Variants in NETO1 observed in about 807,000 individuals in gnomAD.
NETO1 encodes the protein neuropilin and tolloid-like protein 1.
In NETO1, 26 loss-of-function variants were observed where a neutral mutation model predicts 61.3. The observed-to-expected ratio is 0.42, with a 90% CI of 0.31 to 0.59. NETO1 has a LOEUF of 0.59. Ranked by LOEUF, NETO1 falls within the 20% of genes least tolerant of loss-of-function variation. The pLI is 0.12. For synonymous variants in NETO1, 225 were observed against 225.8 expected (o/e 1.00, Z 0.03); for missense variants, 531 against 662.8 (o/e 0.80, Z 2.18).
chr18:72,867,283 A>G lies in NETO1; in HGVS notation c.9T>C (p.His3=), dbSNP rs556077574. MI[H]GRSVLHIVAS... is the part of the protein sequence containing the mutation. ...ACTCACTGTGAAGCACGCTGCGCCC[A>G]TGGATCATGTCTGTGCGTTACACCA... Residue 3 remains histidine (H), a synonymous_variant, in exon 1 of 11, where the codon CAT becomes CAC. Coordinates refer to ENST00000327305, the MANE Select transcript of NETO1 (RefSeq NM_138966.5). The G allele has an allele frequency of 1.9e-6, 3 of 1,573,706 alleles. No homozygotes were observed. Among genetic ancestry groups the G allele is most frequent in the South Asian group, 2.4e-5 (2 of 84,508 alleles).
chr18:72,839,029 A>C (rs9319855), intron 4 of NETO1, among the ~76,000 whole-genome samples: 146,211 of 152,260 alleles, frequency 0.96, 70,292 homozygotes, highest in Non-Finnish European at 0.99. Flanking sequence ...CGTTGTTATT[A>C]TTATTTTCCT....
chr18:72,827,581 T>G (rs2073422337), intron 4 of NETO1, among the ~76,000 whole-genome samples: 1 of 151,916 alleles, frequency 6.6e-6, no homozygotes, highest in South Asian at 2.1e-4. Context: ...CTGGGCATGG[T>G]GATGTCTGCC....
chr18:72,797,322 G>A (rs558539732), intron 4 of NETO1, among the ~76,000 whole-genome samples: 79 of 152,154 alleles, frequency 5.2e-4, no homozygotes, highest in African/African-American at 1.9e-3. Flanking sequence ...ATTTATTTTT[G>A]TCTTTGTATT....
intron 4 of NETO1, among the ~76,000 whole-genome samples, chr18:72,856,106 C>G (rs2074404172): frequency 6.6e-6 from 1 of 152,096 alleles, no homozygotes; most frequent in Admixed American, 6.6e-5. Context: ...TGATTCATTT[C>G]TAAGAGATGG....
At chr18:72,865,164 T>G in intron 2 of NETO1, 24 bp downstream of exon 2, 1 of 1,604,976 alleles carries the variant, frequency 6.2e-7, no homozygotes, top group Non-Finnish European at 8.5e-7. Context: ...GGTCTTCCAC[T>G]AGCATTTTTC....
chr18:72,749,286 A>G (rs2070512130), intron 9 of NETO1, among the ~76,000 whole-genome samples, 198 bp from the exon 10 acceptor site: 1 of 152,198 alleles, frequency 6.6e-6, no homozygotes, highest in Admixed American at 6.5e-5. Context: ...GTCACGATTT[A>G]TAAAATAAAC....
At chr18:72,827,290 C>T (rs1315581494) in intron 4 of NETO1, among the ~76,000 whole-genome samples, 1 of 152,070 alleles carries the variant, frequency 6.6e-6, no homozygotes, top group Non-Finnish European at 1.5e-5. Context: ...ATCTGAGAAG[C>T]AAAACACACA....
intron 4 of NETO1, among the ~76,000 whole-genome samples, chr18:72,813,710 A>G (rs181718355): frequency 1.2e-4 from 19 of 152,294 alleles, no homozygotes; most frequent in Admixed American, 3.9e-4. Context: ...GATGCACTCA[A>G]AGATACCCGA....
intron 7 of NETO1, among the ~76,000 whole-genome samples, chr18:72,763,060 G>A (rs2071032107): frequency 6.6e-6 from 1 of 151,490 alleles, no homozygotes; most frequent in Admixed American, 6.6e-5. Context: ...TTTCAATTCT[G>A]TAACTTAAAG....
chr18:72,800,477 C>T (rs1470834357), intron 4 of NETO1, among the ~76,000 whole-genome samples: 1 of 152,166 alleles, frequency 6.6e-6, no homozygotes, highest in African/African-American at 2.4e-5. Flanking sequence ...ATGCCACTAT[C>T]TCCCATAACC....
Position 72,746,398 on chromosome 18 carries a change from G to T in NETO1, c.*1781C>A, listed in dbSNP as rs995207389. Reference sequence around the variant, plus strand: ...AAGGGTACATTTTATCATAAGCAATGTGTATAAAACTATGTAGCATAACAA... The same window carrying T: ...AAGGGTACATTTTATCATAAGCAATTTGTATAAAACTATGTAGCATAACAA... On this transcript the variant is annotated 3_prime_UTR_variant, in exon 11 of 11. Coordinates refer to ENST00000327305, the MANE Select transcript of NETO1 (RefSeq NM_138966.5). Among the ~76,000 whole-genome samples the T allele has an allele frequency of 1.3e-5, 2 of 152,022 alleles. No individual in the cohort carries two copies. The highest frequency in any genetic ancestry group is 2.9e-5 in the Non-Finnish European group (2 of 67,992).
chr18:72,795,653 T>C (rs1305937774), intron 4 of NETO1, among the ~76,000 whole-genome samples: 6 of 152,168 alleles, frequency 3.9e-5, no homozygotes, highest in Non-Finnish European at 8.8e-5. Flanking sequence ...TACAATGTGA[T>C]GTTTTGATAC....
intron 6 of NETO1, among the ~76,000 whole-genome samples, chr18:72,792,395 G>T (rs954135263): frequency 1.3e-5 from 2 of 152,016 alleles, no homozygotes; most frequent in African/African-American, 4.8e-5. Context: ...CTCCAGCCTG[G>T]GAGACAGAAT....
At chr18:72,849,359 A>T (rs2074183237) in intron 4 of NETO1, among the ~76,000 whole-genome samples, 1 of 152,196 alleles carries the variant, frequency 6.6e-6, no homozygotes. Context: ...TGTCGTCATC[A>T]GCACCTATAA....
At chr18:72,861,207 T>C (rs1265569899) in intron 3 of NETO1, among the ~76,000 whole-genome samples, 3 of 152,226 alleles carry the variant, frequency 2.0e-5, no homozygotes, top group African/African-American at 7.2e-5. Flanking sequence ...ATTCCGCCAT[T>C]ATGGCTTTTG....
At chr18:72,822,879 G>T (rs2073246618) in intron 4 of NETO1, among the ~76,000 whole-genome samples, 1 of 152,138 alleles carries the variant, frequency 6.6e-6, no homozygotes, top group African/African-American at 2.4e-5. Context: ...GCATATACAT[G>T]TGTGTATATG....
intron 1 of NETO1, 70 bp downstream of exon 1, chr18:72,867,194 G>A (rs890616122): frequency 1.6e-6 from 2 of 1,241,230 alleles, no homozygotes; most frequent in Non-Finnish European, 2.2e-6. Context: ...TTTCCTGCGC[G>A]TTCGGCCCCG....
At position 72,744,886 on chromosome 18, in the gene NETO1, T is replaced by C. The variant is rs1477747816; in HGVS notation, c.*3293A>G. ...GAGGAAAACCCATTCATGGAATTTT[T>C]TTAAAGCTGTAAAATTTGAGGAAGA... is the stretch of plus-strand genomic sequence containing the variant. On this transcript the variant is annotated 3_prime_UTR_variant, in exon 11 of 11. Coordinates refer to ENST00000327305, the MANE Select transcript of NETO1 (RefSeq NM_138966.5). 2 of 152,278 alleles carry C rather than the reference T, an allele frequency of 1.3e-5. No individual in the cohort carries two copies. The highest frequency in any genetic ancestry group is 2.4e-5 in the African/African-American group (1 of 41,570). The allele number at this position is 152,278 out of a possible 1,614,324, so 9.4% of individuals were successfully genotyped here.
intron 7 of NETO1, among the ~76,000 whole-genome samples, chr18:72,776,324 G>A (rs985386361): frequency 5.9e-5 from 9 of 152,136 alleles, no homozygotes; most frequent in Admixed American, 1.3e-4. Flanking sequence ...ACATCAAGCC[G>A]TTAGGTATTT....
Sources: gnomAD v4.1 joint callset for allele counts (sites outside exome capture counted in the v4.1 genomes callset) on GRCh38, gnomAD v4.1.1 for gene constraint, MANE v1.5 for transcripts, NCBI Gene and HGNC (gene_info 2026-07-23, HGNC 2026-07-21) for gene names.